RADX: variants seen among roughly 807,000 people sequenced by gnomAD.
RADX encodes RPA1 related single stranded DNA binding protein, X-linked.
RADX carries 36 observed loss-of-function variants against 61.6 expected under a neutral mutation model. The observed-to-expected ratio is 0.58, with a 90% CI of 0.45 to 0.77. The LOEUF is 0.77. Among genes scored for constraint, RADX ranks in the 30% least tolerant of loss-of-function variants. The pLI is 0.00. For synonymous variants in RADX, 272 were observed against 237.9 expected (o/e 1.14, Z -1.32); for missense variants, 497 against 651.1 (o/e 0.76, Z 2.58).
intron 13 of RADX, among the ~76,000 whole-genome samples, chrX:106,671,354 C>G (rs937621338): frequency 4.5e-5 from 5 of 111,710 alleles, no homozygotes; most frequent in African/African-American, 1.6e-4. Context: ...TGACCAGTCT[C>G]CTACTGGTAG....
chrX:106,621,546 A>G (rs1314885250), intron 1 of RADX, among the ~76,000 whole-genome samples: 1 of 112,271 alleles, frequency 8.9e-6, no homozygotes, highest in Non-Finnish European at 1.9e-5. Context: ...AGTATTACAA[A>G]TTAATTCTTT....
At chrX:106,661,375 T>G (rs1178043415) in intron 11 of RADX, among the ~76,000 whole-genome samples, 1 of 93,456 alleles carries the variant, frequency 1.1e-5, no homozygotes, top group African/African-American at 6.4e-5. Context: ...TTTTCTTGTT[T>G]TTTTTTTTTG....
intron 5 of RADX, 24 bp from the exon 6 acceptor site, chrX:106,633,106 T>C: frequency 8.4e-7 from 1 of 1,186,095 alleles, no homozygotes; most frequent in Non-Finnish European, 1.1e-6. Flanking sequence ...TACCTTCATT[T>C]ATTTTAATAT....
At chrX:106,640,904 A>G (rs1927496841) in intron 10 of RADX, among the ~76,000 whole-genome samples, 183 bp downstream of exon 10, 1 of 111,164 alleles carries the variant, frequency 9.0e-6, no homozygotes, top group Non-Finnish European at 1.9e-5. Flanking sequence ...GATAGAGTTC[A>G]AGATCAAGGT....
chrX:106,663,742 A>G (rs1361294719), intron 12 of RADX, among the ~76,000 whole-genome samples: 1 of 111,648 alleles, frequency 9.0e-6, no homozygotes, highest in African/African-American at 3.2e-5. Context: ...CCCCATAAAT[A>G]TATACACTTA....
chrX:106,645,967 A>G (rs1014904580), intron 10 of RADX, among the ~76,000 whole-genome samples: 6 of 110,211 alleles, frequency 5.4e-5, no homozygotes, highest in African/African-American at 2.0e-4. Flanking sequence ...AAATTGTTAT[A>G]TTGTCTTGCT....
chrX:106,634,854 C>T (rs1472805060), intron 6 of RADX, among the ~76,000 whole-genome samples: 1 of 112,223 alleles, frequency 8.9e-6, no homozygotes, highest in African/African-American at 3.2e-5. Context: ...AACAAGCTAA[C>T]AAGAATTTTG....
At chrX:106,664,438 G>A (rs1344782069) in intron 12 of RADX, among the ~76,000 whole-genome samples, 1 of 110,834 alleles carries the variant, frequency 9.0e-6, no homozygotes, top group Non-Finnish European at 1.9e-5. Flanking sequence ...ATTCAAGTCC[G>A]AATTAACTGT....
intron 1 of RADX, among the ~76,000 whole-genome samples, chrX:106,617,730 C>T (rs1027348541): frequency 9.0e-6 from 1 of 111,563 alleles, no homozygotes; most frequent in African/African-American, 3.3e-5. Context: ...TGTGAGTAGG[C>T]ATGCATATCA....
chrX:106,628,738 G>T (rs1166192610), intron 3 of RADX, among the ~76,000 whole-genome samples: 2 of 108,615 alleles, frequency 1.8e-5, no homozygotes, highest in African/African-American at 6.8e-5. Flanking sequence ...TCACCTCCTG[G>T]GTTCAAATGA....
At chrX:106,646,224 C>T (rs766493450) in intron 10 of RADX, among the ~76,000 whole-genome samples, 1 of 110,616 alleles carries the variant, frequency 9.0e-6, no homozygotes, top group Non-Finnish European at 1.9e-5. Context: ...TTCTCATAAG[C>T]AACAGATCAA....
At chrX:106,657,471 A>G (rs1582802) in intron 11 of RADX, among the ~76,000 whole-genome samples, 12,227 of 111,729 alleles carry the variant, frequency 0.11, 1,640 homozygotes, top group African/African-American at 0.38. Flanking sequence ...TGCACTCTCA[A>G]CTTGGCTAAT....
chrX:106,669,079 G>A lies in RADX; in HGVS notation c.2270-84G>A, dbSNP rs1396171659. On this transcript the variant is annotated intron_variant, in intron 12 of 13. Transcript: ENST00000372548. ...TCAGATCTAAAGCTATCTGGAACAT[G>A]TTGGGATCAAACCAGCAAACTCGGC... 4 of 740,512 alleles carry A rather than the reference G, an allele frequency of 5.4e-6. No individual in the cohort carries two copies. In the African/African-American group the frequency reaches 6.4e-5, roughly 12 times the overall value. The allele number at this position is 740,512 out of a possible 1,213,427, so 61.0% of individuals were successfully genotyped here.
At position 106,650,764 on chromosome X, in the gene RADX, GA is replaced by G. The variant is rs759876639; in HGVS notation, c.1978+2381del. 1.3e-4 allele frequency among the ~76,000 whole-genome samples: 14 copies of G among 111,166 alleles called. No homozygotes were observed. The East Asian group carries it at 4.0e-3, about 32-fold the overall frequency. On this transcript the variant is annotated intron_variant, in intron 11 of 13. Coordinates refer to ENST00000372548, the MANE Select transcript of RADX (RefSeq NM_018015.6). ...GGAATAAATAAAAGTCAGTAGGTTGGAAACAGATCAATATGAAGAACTGACA... is the reference window on the plus strand; with the variant it reads ...GGAATAAATAAAAGTCAGTAGGTTGGAACAGATCAATATGAAGAACTGACA...
chrX:106,631,940 T>C (rs1451962372), intron 3 of RADX, among the ~76,000 whole-genome samples: 1 of 111,500 alleles, frequency 9.0e-6, no homozygotes, highest in Non-Finnish European at 1.9e-5. Context: ...ACATTGCTGG[T>C]AGAAACACAA....
chrX:106,635,259 ATGT>A (rs1295845105), intron 6 of RADX, among the ~76,000 whole-genome samples: 1 of 111,431 alleles, frequency 9.0e-6, no homozygotes, highest in Non-Finnish European at 1.9e-5. Context: ...TGAAGAGTTG[ATGT>A]TGTTATAAAT....
At chrX:106,674,837 A>G (rs1329846230) in intron 13 of RADX, among the ~76,000 whole-genome samples, 1 of 111,017 alleles carries the variant, frequency 9.0e-6, no homozygotes, top group African/African-American at 3.3e-5. Flanking sequence ...CATCCTGGCC[A>G]ACATGGTGAA....
At chrX:106,647,708 CATT>C (rs1927694133) in intron 10 of RADX, among the ~76,000 whole-genome samples, 1 of 111,039 alleles carries the variant, frequency 9.0e-6, no homozygotes, top group Admixed American at 9.6e-5. Context: ...GATGATATCT[CATT>C]GTAGTTTTGA....
At chrX:106,626,548 T>C (rs1370644473) in intron 3 of RADX, among the ~76,000 whole-genome samples, 1 of 111,903 alleles carries the variant, frequency 8.9e-6, no homozygotes, top group Non-Finnish European at 1.9e-5. Flanking sequence ...GACGCTGATT[T>C]ACAGCATGCT....
Sources: gnomAD v4.1 joint callset for allele counts (sites outside exome capture counted in the v4.1 genomes callset) on GRCh38, gnomAD v4.1.1 for gene constraint, MANE v1.5 for transcripts, NCBI Gene and HGNC (gene_info 2026-07-23, HGNC 2026-07-21) for gene names.